Variants in CHRM3 observed in about 807,000 individuals in gnomAD.
The protein encoded by CHRM3 is muscarinic acetylcholine receptor M3.
Under a neutral mutation model 41.8 loss-of-function variants are expected in CHRM3, and 11 were observed. The observed-to-expected ratio is 0.26, with a 90% CI of 0.17 to 0.44. The LOEUF is 0.44. CHRM3 is among the 20% of genes least tolerant of loss of function. CHRM3 has a pLI of 1.00. For synonymous variants in CHRM3, 297 were observed against 301.4 expected, an observed-to-expected ratio of 0.99 and a Z score of 0.15; for missense variants, 571 against 745.4, an observed-to-expected ratio of 0.77 and a Z score of 2.72.
chr1:239,778,239 A>T (rs1039752607), intron 5 of CHRM3, among the ~76,000 whole-genome samples: 5 of 152,330 alleles, frequency 3.3e-5, no homozygotes, highest in South Asian at 2.1e-4. Flanking sequence ...TCAAAACATA[A>T]AAACTGAATG....
intron 1 of CHRM3, among the ~76,000 whole-genome samples, chr1:239,395,741 GT>G (rs999326643): frequency 3.9e-5 from 6 of 152,120 alleles, no homozygotes; most frequent in African/African-American, 1.4e-4. Context: ...AAGGCTTTAT[GT>G]TTTAGCTTTG....
At chr1:239,458,350 T>A (rs1026259801) in intron 1 of CHRM3, among the ~76,000 whole-genome samples, 4 of 152,180 alleles carry the variant, frequency 2.6e-5, no homozygotes, top group Non-Finnish European at 4.4e-5. Flanking sequence ...ATTTTTAAGA[T>A]GACTGGCTGC....
intron 6 of CHRM3, among the ~76,000 whole-genome samples, chr1:239,893,481 C>T (rs13375642): frequency 1.3e-5 from 2 of 152,146 alleles, no homozygotes; most frequent in Admixed American, 6.5e-5. Flanking sequence ...TACAGTTAGC[C>T]GTGTGACTTG....
intron 6 of CHRM3, among the ~76,000 whole-genome samples, chr1:239,864,661 A>G (rs939104760): frequency 6.6e-6 from 1 of 152,150 alleles, no homozygotes; most frequent in Non-Finnish European, 1.5e-5. Flanking sequence ...TTTTCATTAA[A>G]TCGGGAATAA....
chr1:239,592,472 T>C (rs1664292729), intron 3 of CHRM3, among the ~76,000 whole-genome samples: 1 of 152,174 alleles, frequency 6.6e-6, no homozygotes, highest in Non-Finnish European at 1.5e-5. Context: ...AAGCCACCAC[T>C]AATTTTCTGA....
chr1:239,802,373 A>G (rs1670289932), intron 5 of CHRM3, among the ~76,000 whole-genome samples: 2 of 152,216 alleles, frequency 1.3e-5, no homozygotes, highest in African/African-American at 2.4e-5. Context: ...AAAGTTTAAC[A>G]TAGTTCATTA....
At chr1:239,597,681 A>C (rs1664944138) in intron 3 of CHRM3, among the ~76,000 whole-genome samples, 1 of 151,970 alleles carries the variant, frequency 6.6e-6, no homozygotes, top group South Asian at 2.1e-4. Flanking sequence ...AAAATACAAA[A>C]ATGCTGTAAA....
intron 1 of CHRM3, among the ~76,000 whole-genome samples, chr1:239,415,618 G>A (rs1188287372): frequency 6.6e-6 from 1 of 152,130 alleles, no homozygotes; most frequent in East Asian, 1.9e-4. Flanking sequence ...ATAGCTAAAG[G>A]TGTATTTGTT....
chr1:239,724,661 G>A (rs74667778), intron 5 of CHRM3, among the ~76,000 whole-genome samples: 8,560 of 151,868 alleles, frequency 0.056, 349 homozygotes, highest in Non-Finnish European at 0.084. Context: ...CTTTAGTTGG[G>A]CATTTATTTT....
intron 3 of CHRM3, among the ~76,000 whole-genome samples, chr1:239,564,124 G>C (rs549874540): frequency 6.6e-6 from 1 of 152,186 alleles, no homozygotes; most frequent in African/African-American, 2.4e-5. Context: ...AAAGATAAGA[G>C]GAAACAAATT....
intron 1 of CHRM3, among the ~76,000 whole-genome samples, chr1:239,438,488 G>A (rs1390925199): frequency 2.0e-5 from 3 of 152,192 alleles, no homozygotes; most frequent in Non-Finnish European, 4.4e-5. Context: ...TTGGTGTGCT[G>A]ACCCTGGTGG....
intron 1 of CHRM3, among the ~76,000 whole-genome samples, chr1:239,446,461 T>C (rs1664162609): frequency 6.6e-6 from 1 of 152,184 alleles, no homozygotes. Context: ...AGATTAGTGA[T>C]CAATGTATGT....
chr1:239,747,215 T>G (rs1324724644), intron 5 of CHRM3, among the ~76,000 whole-genome samples: 2 of 152,370 alleles, frequency 1.3e-5, no homozygotes, highest in East Asian at 3.8e-4. Flanking sequence ...TATTATTTTC[T>G]TATCAATGGA....
At chr1:239,468,104 A>G (rs898295215) in intron 1 of CHRM3, among the ~76,000 whole-genome samples, 1 of 152,226 alleles carries the variant, frequency 6.6e-6, no homozygotes, top group Non-Finnish European at 1.5e-5. Flanking sequence ...TGAAAGGCAT[A>G]TATAAATCTC....
intron 3 of CHRM3, among the ~76,000 whole-genome samples, chr1:239,610,316 C>T (rs1666877753): frequency 6.6e-6 from 1 of 150,640 alleles, no homozygotes; most frequent in Admixed American, 6.6e-5. Flanking sequence ...AAAGAATAAT[C>T]AAGAATATGA....
intron 4 of CHRM3, among the ~76,000 whole-genome samples, chr1:239,638,379 G>T (rs1317988967): frequency 6.6e-6 from 1 of 151,964 alleles, no homozygotes; most frequent in East Asian, 1.9e-4. Flanking sequence ...AGTCCCACCA[G>T]CAGTGTAAAA....
At chr1:239,757,860 G>T (rs1343648241) in intron 5 of CHRM3, among the ~76,000 whole-genome samples, 2 of 152,172 alleles carry the variant, frequency 1.3e-5, no homozygotes, top group African/African-American at 2.4e-5. Context: ...GTATCTTAAT[G>T]AAGCAGCAGT....
At position 239,611,719 on chromosome 1, in the gene CHRM3, G is replaced by A. The variant is rs139192170; in HGVS notation, c.-312-20505G>A. Among the ~76,000 whole-genome samples the A allele has an allele frequency of 5.8e-3, 879 of 152,062 alleles. 11 individuals carry two copies. Among genetic ancestry groups the A allele is most frequent in the African/African-American group, 0.02 (838 of 41,514 alleles). Reference sequence around the variant, plus strand: ...CAGGCATGAGCCACCGCACCCAGCCGCAAGTGACATGTTTTATTGCATCTA... The same window carrying A: ...CAGGCATGAGCCACCGCACCCAGCCACAAGTGACATGTTTTATTGCATCTA... On this transcript the variant is annotated intron_variant, in intron 3 of 6. Transcript: ENST00000676153.
chr1:239,795,456 A>T (rs1458797720), intron 5 of CHRM3, among the ~76,000 whole-genome samples: 1 of 152,152 alleles, frequency 6.6e-6, no homozygotes, highest in African/African-American at 2.4e-5. Context: ...AGGGGTTAGC[A>T]CCTCAGTGTC....
Sources: gnomAD v4.1 joint callset for allele counts (sites outside exome capture counted in the v4.1 genomes callset) on GRCh38, gnomAD v4.1.1 for gene constraint, MANE v1.5 for transcripts, NCBI Gene and HGNC (gene_info 2026-07-23, HGNC 2026-07-21) for gene names.